Variants in LRP8 observed in about 807,000 individuals in gnomAD.
LRP8 encodes LDL receptor related protein 8.
Under a neutral mutation model 111.6 loss-of-function variants are expected in LRP8, and 46 were observed. The ratio of observed to expected loss-of-function variants is 0.41; its 90% CI spans 0.33 to 0.53. The LOEUF (loss-of-function observed/expected upper bound fraction) is 0.53. Among genes scored for constraint, LRP8 ranks in the 20% least tolerant of loss-of-function variants. LRP8 has a pLI of 0.20. For synonymous variants in LRP8, 464 were observed against 511.2 expected (o/e 0.91, Z 1.24); for missense variants, 959 against 1,297.4 (o/e 0.74, Z 4.01).
At chr1:53,318,908 A>G (rs1654140392) in intron 2 of LRP8, among the ~76,000 whole-genome samples, 1 of 152,222 alleles carries the variant, frequency 6.6e-6, no homozygotes, top group East Asian at 1.9e-4. Context: ...TCCAAGCTGG[A>G]GTGCAGTGGT....
At chr1:53,252,771 A>G (rs1297940374) in intron 16 of LRP8, among the ~76,000 whole-genome samples, 4 of 152,240 alleles carry the variant, frequency 2.6e-5, no homozygotes, top group Non-Finnish European at 5.9e-5. Flanking sequence ...TCATATATCT[A>G]AAACAATCTT....
At chr1:53,264,101 CT>C (rs780682100) in intron 10 of LRP8, 67 bp downstream of exon 10, 1 of 1,476,112 alleles carries the variant, frequency 6.8e-7, no homozygotes, top group Non-Finnish European at 9.4e-7. Context: ...CAAGATAGCC[CT>C]TGTGACAGAC....
rs189666794 is a variant in LRP8 at position 53,281,262 on chromosome 1, C to T, written c.368-547G>A. 1.1e-3 allele frequency among the ~76,000 whole-genome samples: 169 copies of T among 152,390 alleles called. 1 individual carries two copies. Among genetic ancestry groups the T allele is most frequent in the African/African-American group, 3.8e-3 (157 of 41,602 alleles). ...GTGCTGATCCTGCTGCTGAGAGCAG[C>T]TGCTGCATGGCAGGGCCCAGCGGGA... On this transcript the variant is annotated intron_variant, in intron 3 of 18. Transcript: ENST00000306052.
intron 4 of LRP8, among the ~76,000 whole-genome samples, chr1:53,277,675 C>A (rs1261270684): frequency 1.3e-5 from 2 of 152,212 alleles, no homozygotes; most frequent in Non-Finnish European, 2.9e-5. Flanking sequence ...CTACTTCTTG[C>A]CCACCACTAC....
chr1:53,266,973 A>T lies in LRP8; in HGVS notation c.1253-326T>A. On this transcript the variant is annotated intron_variant, in intron 8 of 18. Coordinates refer to ENST00000306052, the MANE Select transcript of LRP8 (RefSeq NM_004631.5). This position sits in a 1 kb window ranked among gnomAD's most constrained non-coding sequence, Gnocchi z 5.0. ...CCCAAGTTCCCTGTCCAGCCTCATT[A>T]CTCGCCTCTCCAACATAGCTTGATT... 3.9e-6 allele frequency: 1 copy of T among 255,442 alleles called. No homozygotes were observed. The highest frequency in any genetic ancestry group is 7.7e-6 in the Non-Finnish European group (1 of 129,322). 15.8% of individuals were successfully genotyped at this position (255,442 alleles called of 1,614,324 possible). A position where few individuals can be genotyped will look rare whatever the true frequency, so the allele number is the denominator to read the frequency against.
At chr1:53,318,076 A>G (rs1220180215) in intron 2 of LRP8, among the ~76,000 whole-genome samples, 2 of 152,242 alleles carry the variant, frequency 1.3e-5, no homozygotes, top group South Asian at 4.1e-4. Context: ...CAGGTGGAAT[A>G]AGGACCAATG....
intron 4 of LRP8, among the ~76,000 whole-genome samples, chr1:53,280,199 C>T (rs1647060066): frequency 6.6e-6 from 1 of 152,172 alleles, no homozygotes; most frequent in Non-Finnish European, 1.5e-5. Context: ...CCCTGGTCCC[C>T]CTGCCCTTGC....
intron 2 of LRP8, among the ~76,000 whole-genome samples, chr1:53,300,004 A>G (rs992216045): frequency 1.4e-4 from 21 of 152,244 alleles, no homozygotes; most frequent in African/African-American, 5.1e-4. Flanking sequence ...TCCAGGGGCT[A>G]CAAATCCAGA....
intron 7 of LRP8, 29 bp from the exon 8 acceptor site, chr1:53,271,182 G>T (rs774511223): frequency 2.4e-5 from 39 of 1,613,906 alleles, no homozygotes; most frequent in Non-Finnish European, 3.2e-5. Context: ...GTCAGAACCA[G>T]CAGGAGGATC....
rs369581975 is a variant in LRP8, at chr1:53,266,607, C to T, written c.1293G>A (p.Glu431=). Residue 431 remains glutamate, a synonymous_variant, in exon 9 of 19, where the codon GAG becomes GAA. Coordinates refer to ENST00000306052, the MANE Select transcript of LRP8 (RefSeq NM_004631.5). This position sits in a 1 kb window ranked among gnomAD's most constrained non-coding sequence, Gnocchi z 5.0. ...SPSLIFTNRH[E]VRRIDLVKRN... The stretch of plus-strand genomic sequence containing the variant: ...GCTTCACCAGGTCGATCCTCCGCAC[C>T]TCGTGCCGGTTGGTGAAGATTAGGG... The T allele has an allele frequency of 1.2e-6, 2 of 1,614,034 alleles. No homozygotes were observed. The highest frequency in any genetic ancestry group is 1.7e-6 in the Non-Finnish European group (2 of 1,180,044).
intron 2 of LRP8, among the ~76,000 whole-genome samples, chr1:53,322,773 C>T (rs780090259): frequency 1.3e-5 from 2 of 152,048 alleles, no homozygotes; most frequent in African/African-American, 2.4e-5. Context: ...ACGTCCAGGC[C>T]GCACACTGAG....
chr1:53,302,302 C>T (rs867785892), intron 2 of LRP8, among the ~76,000 whole-genome samples: 2 of 152,254 alleles, frequency 1.3e-5, no homozygotes, highest in African/African-American at 4.8e-5. Context: ...GCTCTTTAAC[C>T]GCCCCAGGAT....
intron 2 of LRP8, among the ~76,000 whole-genome samples, chr1:53,299,091 ACTC>A (rs1650310274): frequency 6.6e-6 from 1 of 152,070 alleles, no homozygotes. Flanking sequence ...AGGCGCAGAC[ACTC>A]CTCTGGTGGA....
At chr1:53,271,192 C>A (rs1175504371) in intron 7 of LRP8, 35 bp downstream of exon 7, 2 of 1,613,986 alleles carry the variant, frequency 1.2e-6, no homozygotes, top group African/African-American at 1.3e-5. Context: ...GCAGGAGGAT[C>A]TGCTTCTGCT....
chr1:53,313,737 G>T (rs12084254), intron 2 of LRP8, among the ~76,000 whole-genome samples: 2 of 152,140 alleles, frequency 1.3e-5, no homozygotes, highest in African/African-American at 4.8e-5. Context: ...TCAGTGCCAG[G>T]TGAGACCTGG....
In LRP8 at chr1:53,289,441, G is replaced by T. The variant is rs187674241; in HGVS notation, c.367+126C>A. ...GCAACTAAATATATCTGTTTACCAG[G>T]AGCGCCCTGAGTGCGTGGCACAGAA... On this transcript the variant is annotated intron_variant, in intron 3 of 18. Transcript: ENST00000306052. The T allele has an allele frequency of 7.7e-6, 10 of 1,295,014 alleles. No individual in the cohort carries two copies. In the South Asian group the frequency reaches 1.3e-4, roughly 17 times the overall value. 80.2% of individuals were successfully genotyped at this position (1,295,014 alleles called of 1,614,324 possible).
chr1:53,312,737 T>C (rs1653234270), intron 2 of LRP8, among the ~76,000 whole-genome samples: 1 of 152,092 alleles, frequency 6.6e-6, no homozygotes, highest in South Asian at 2.1e-4. Context: ...CCTGGGGACC[T>C]GAGAGAGCAG....
intron 10 of LRP8, 143 bp downstream of exon 10, chr1:53,264,026 G>T: frequency 1.3e-6 from 1 of 757,224 alleles, no homozygotes; most frequent in Non-Finnish European, 2.1e-6. Context: ...AACCTTGGTT[G>T]GGGATTAACA....
intron 3 of LRP8, among the ~76,000 whole-genome samples, chr1:53,288,754 C>G (rs965324370): frequency 3.9e-5 from 6 of 152,208 alleles, no homozygotes; most frequent in Non-Finnish European, 7.3e-5. Flanking sequence ...CCTTTTGTCT[C>G]GGGCTCACGC....
Sources: gnomAD v4.1 joint callset for allele counts (sites outside exome capture counted in the v4.1 genomes callset) on GRCh38, gnomAD v4.1.1 for gene constraint, Gnocchi (gnomAD v3.1) non-coding constraint, MANE v1.5 for transcripts, NCBI Gene and HGNC (gene_info 2026-07-23, HGNC 2026-07-21) for gene names.